CCDC88C: variants seen among roughly 807,000 people sequenced by gnomAD.
The protein encoded by CCDC88C is protein Daple.
A neutral mutation model predicts 198.8 loss-of-function variants in CCDC88C; 131 were observed. The ratio of observed to expected loss-of-function variants is 0.66; its 90% CI spans 0.57 to 0.76. CCDC88C has a LOEUF of 0.76. Among genes scored for constraint, CCDC88C ranks in the 30% least tolerant of loss-of-function variants. The pLI is 0.00. For synonymous variants in CCDC88C, 1,166 were observed against 1,114.7 expected, an observed-to-expected ratio of 1.05 and a Z score of -0.92; for missense variants, 2,553 against 2,631.6, an observed-to-expected ratio of 0.97 and a Z score of 0.65.
At chr14:91,360,221 C>T (rs554345487) in intron 3 of CCDC88C, among the ~76,000 whole-genome samples, 1 of 149,818 alleles carries the variant, frequency 6.7e-6, no homozygotes, top group East Asian at 2.0e-4. Context: ...ATTTCGAGAC[C>T]AAGCCTGGGC....
rs1462214027 is a variant in CCDC88C at position 91,271,433 on chromosome 14, T to G, written c.*1192A>C. On this transcript the variant is annotated 3_prime_UTR_variant, in exon 30 of 30. Coordinates refer to ENST00000389857, the MANE Select transcript of CCDC88C (RefSeq NM_001080414.4). ...AATGGATCTTGTTAACATTCAAAAG[T>G]CTCCCATTTCTTTCTCAGTATATTA... The G allele has an allele frequency of 6.6e-6, 1 of 150,774 alleles. No individual in the cohort carries two copies. The highest frequency in any genetic ancestry group is 2.4e-5 in the African/African-American group (1 of 40,828). The allele number at this position is 150,774 out of a possible 1,614,324, so 9.3% of individuals were successfully genotyped here.
At chr14:91,319,696 T>C (rs1892263606) in intron 13 of CCDC88C, among the ~76,000 whole-genome samples, 1 of 152,164 alleles carries the variant, frequency 6.6e-6, no homozygotes, top group Non-Finnish European at 1.5e-5. Context: ...TCACACACAC[T>C]ACCACCTCTA....
chr14:91,361,902 A>G (rs1404916083), intron 3 of CCDC88C, among the ~76,000 whole-genome samples: 1 of 152,306 alleles, frequency 6.6e-6, no homozygotes, highest in South Asian at 2.1e-4. Flanking sequence ...GCCCAATGAC[A>G]TGAGCCTGTC....
intron 26 of CCDC88C, 53 bp from the exon 27 acceptor site, chr14:91,281,578 C>T: frequency 1.3e-6 from 2 of 1,556,894 alleles, no homozygotes; most frequent in Non-Finnish European, 1.8e-6. Flanking sequence ...GCCTCATCCA[C>T]AGGGAACCCC....
chr14:91,375,101 G>A (rs1348561831), intron 3 of CCDC88C, among the ~76,000 whole-genome samples: 4 of 152,190 alleles, frequency 2.6e-5, no homozygotes, highest in Non-Finnish European at 4.4e-5. Flanking sequence ...CTTACTCTTC[G>A]AGTCTCCTTC....
At chr14:91,310,113 G>A in intron 15 of CCDC88C, 127 bp from the exon 16 acceptor site, 2 of 937,352 alleles carry the variant, frequency 2.1e-6, no homozygotes, top group South Asian at 2.1e-5. Context: ...TGGAGCGAGG[G>A]GACTCTGAAC....
chr14:91,292,593 A>G (rs1890709387), intron 23 of CCDC88C, among the ~76,000 whole-genome samples: 1 of 152,110 alleles, frequency 6.6e-6, no homozygotes, highest in South Asian at 2.1e-4. Flanking sequence ...TACATCAGAG[A>G]GTTGGGATAG....
chr14:91,311,534 CA>C (rs1424621091), intron 15 of CCDC88C, among the ~76,000 whole-genome samples: 1 of 152,218 alleles, frequency 6.6e-6, no homozygotes, highest in Non-Finnish European at 1.5e-5. Context: ...TAGGGGTGCC[CA>C]AGCCTCAAGA....
intron 3 of CCDC88C, among the ~76,000 whole-genome samples, chr14:91,365,939 T>G (rs1336795716): frequency 2.6e-5 from 4 of 152,008 alleles, no homozygotes; most frequent in Admixed American, 6.5e-5. Flanking sequence ...GTATGTACAG[T>G]AGGAAATGGA....
chr14:91,294,283 T>G lies in CCDC88C; in HGVS notation c.4002A>C (p.Glu1334Asp), dbSNP rs199859942. 77 of 1,613,906 alleles carry G rather than the reference T, an allele frequency of 4.8e-5. No individual in the cohort carries two copies. The highest frequency in any genetic ancestry group is 1.7e-5 in the Admixed American group (1 of 60,004). The stretch of plus-strand genomic sequence containing the variant: ...GGATCTGGCTCAGGAGGTGATGATT[T>G]TCTTCCTCCAAGTTCCCCTTGAGAC... ...LSRLKGNLEE[E>D]NHHLLSQIQL... Residue 1334 changes from glutamate to aspartate, a missense_variant, in exon 23 of 30, where the codon GAA becomes GAC. Coordinates refer to ENST00000389857, the MANE Select transcript of CCDC88C (RefSeq NM_001080414.4).
intron 23 of CCDC88C, among the ~76,000 whole-genome samples, chr14:91,292,451 T>C (rs1890701097): frequency 1.3e-5 from 2 of 152,176 alleles, no homozygotes; most frequent in East Asian, 1.9e-4. Flanking sequence ...ACCGGGATTA[T>C]AGAGGGCCAA....
chr14:91,283,262 G>C, intron 26 of CCDC88C, 67 bp downstream of exon 26: 1 of 1,498,974 alleles, frequency 6.7e-7, no homozygotes, highest in Admixed American at 1.9e-5. Context: ...TGATTTCCGA[G>C]AGCCTGGGGT....
intron 20 of CCDC88C, among the ~76,000 whole-genome samples, chr14:91,302,871 T>A (rs1891363352): frequency 6.6e-6 from 1 of 152,032 alleles, no homozygotes; most frequent in Non-Finnish European, 1.5e-5. Context: ...CGTGGAGAAT[T>A]CCCTCCTTAT....
chr14:91,277,602 G>A (rs112162382), intron 29 of CCDC88C, among the ~76,000 whole-genome samples: 7 of 152,274 alleles, frequency 4.6e-5, no homozygotes, highest in African/African-American at 1.7e-4. Context: ...CAGGGTAAGC[G>A]GGTACTCAGA....
Position 91,339,314 on chromosome 14 carries a change from T to C in CCDC88C, c.773A>G (p.Asp258Gly). The change falls in exon 8 of 30, where the codon GAC becomes GGC. Residue 258 changes from aspartate to glycine, a missense_variant. By Grantham distance (94) the Asp-to-Gly change is moderately conservative. Around this residue, in one of 2 missense-constraint regions of CCDC88C, gnomAD observed 1,260 missense variants for 1,412.0 expected, o/e 0.89. Coordinates refer to ENST00000389857, the MANE Select transcript of CCDC88C (RefSeq NM_001080414.4). This position sits in a 1 kb window ranked among gnomAD's most constrained non-coding sequence, Gnocchi z 5.8. ...DKQHLAVELA[D>G]TKARLRRVRQ... ...GACGCGCCGCAGCCTGGCCTTGGTG[T>C]CGGCCAGCTCTACGGCCAGGTGCTG... 7 of 1,613,396 alleles carry C rather than the reference T, an allele frequency of 4.3e-6. No homozygotes were observed. The highest frequency in any genetic ancestry group is 5.9e-6 in the Non-Finnish European group (7 of 1,179,868).
intron 5 of CCDC88C, among the ~76,000 whole-genome samples, chr14:91,343,167 G>A (rs1893376190): frequency 2.0e-5 from 3 of 152,108 alleles, no homozygotes; most frequent in Admixed American, 2.0e-4. Flanking sequence ...TGTTGCCAAG[G>A]CTGGTCTTGA....
Position 91,325,913 on chromosome 14 carries a change from T to A in CCDC88C, c.1194A>T (p.Glu398Asp). The A allele has an allele frequency of 6.4e-7, 1 of 1,551,888 alleles. No homozygotes were observed. Among genetic ancestry groups the A allele is most frequent in the Non-Finnish European group, 8.7e-7 (1 of 1,147,022 alleles). Reference sequence around the variant, plus strand: ...GTAACAACACAGCCTGCAGTACCAATTCCAGGTCGTGAAGCTTGGATTTCA... The same window carrying A: ...GTAACAACACAGCCTGCAGTACCAAATCCAGGTCGTGAAGCTTGGATTTCA... ...LQLKSKLHDL[E>D]LDRDTDKKRI... Residue 398 changes from glutamate to aspartate, a missense_variant, in exon 11 of 30, where the codon GAA becomes GAT. Physicochemically the swap from Glu to Asp is conservative, Grantham distance 45. Transcript: ENST00000389857. This position sits in a 1 kb window ranked among gnomAD's most constrained non-coding sequence, Gnocchi z 4.1.
rs1272704589 is a variant in CCDC88C at position 91,352,656 on chromosome 14, T to C, written c.340+6986A>G. ...AATTATATATATATACACACACACA[T>C]ATACACTTATACACAGGATTAGAGA... On this transcript the variant is annotated intron_variant, in intron 4 of 29. Coordinates refer to ENST00000389857, the MANE Select transcript of CCDC88C (RefSeq NM_001080414.4). This position sits in a 1 kb window ranked among gnomAD's most constrained non-coding sequence, Gnocchi z 4.2. 1.3e-5 allele frequency among the ~76,000 whole-genome samples: 2 copies of C among 152,090 alleles called. No homozygotes were observed. Among genetic ancestry groups the C allele is most frequent in the Non-Finnish European group, 2.9e-5 (2 of 68,012 alleles).
intron 25 of CCDC88C, 99 bp from the exon 26 acceptor site, chr14:91,283,616 G>T: frequency 1.7e-6 from 2 of 1,153,206 alleles, no homozygotes; most frequent in East Asian, 2.6e-5. Flanking sequence ...AGGGCATGAG[G>T]ACCACAGAGA....
Sources: gnomAD v4.1 joint callset for allele counts (sites outside exome capture counted in the v4.1 genomes callset) on GRCh38, gnomAD v4.1.1 for gene constraint, gnomAD v4.1.1 regional missense constraint, Gnocchi (gnomAD v3.1) non-coding constraint, MANE v1.5 for transcripts, NCBI Gene and HGNC (gene_info 2026-07-23, HGNC 2026-07-21) for gene names.